Variants in THBS4 observed in about 807,000 individuals in gnomAD.
The protein encoded by THBS4 is thrombospondin-4.
THBS4 carries 90 observed loss-of-function variants against 115.7 expected under a neutral mutation model. The observed-to-expected ratio is 0.78, with a 90% confidence interval of 0.66 to 0.93. THBS4 has a LOEUF of 0.93. Ranked by LOEUF, THBS4 falls within the 40% of genes least tolerant of loss-of-function variation. THBS4 has a pLI of 0.00. For missense variants in THBS4, 1,087 were observed against 1,232.7 expected (o/e 0.88, Z 1.77); for synonymous variants, 460 against 479.3 (o/e 0.96, Z 0.53).
chr5:80,043,522 C>G (rs1052233831), intron 2 of THBS4, among the ~76,000 whole-genome samples: 1 of 152,154 alleles, frequency 6.6e-6, no homozygotes, highest in African/African-American at 2.4e-5. Context: ...CAGAAGAAAT[C>G]CAAGTGGATC....
intron 2 of THBS4, among the ~76,000 whole-genome samples, chr5:80,050,452 T>A (rs531139317): frequency 6.6e-6 from 1 of 152,154 alleles, no homozygotes; most frequent in African/African-American, 2.4e-5. Context: ...GCAGAAATGA[T>A]TGGGCCACAT....
At chr5:80,053,248 G>T (rs1185574267) in intron 2 of THBS4, 1 of 151,286 alleles carries the variant, frequency 6.6e-6, no homozygotes, top group Non-Finnish European at 1.5e-5. Flanking sequence ...ATGTCTTTTT[G>T]TGTTTTTAAT....
intron 12 of THBS4, 116 bp from the exon 13 acceptor site, chr5:80,070,905 G>C (rs759397735): frequency 1.3e-6 from 2 of 1,580,006 alleles, no homozygotes; most frequent in Non-Finnish European, 8.6e-7. Context: ...AAGATTCACA[G>C]ATGTTTGAAA....
intron 2 of THBS4, among the ~76,000 whole-genome samples, chr5:80,008,305 G>C (rs1208661199): frequency 6.6e-6 from 1 of 152,170 alleles, no homozygotes; most frequent in Admixed American, 6.5e-5. Context: ...AGAGTTGCCA[G>C]ATAAAATATA....
intron 2 of THBS4, among the ~76,000 whole-genome samples, chr5:80,043,179 G>A (rs1832959014): frequency 6.6e-6 from 1 of 152,144 alleles, no homozygotes; most frequent in Admixed American, 6.5e-5. Flanking sequence ...AAGAGTTGAA[G>A]AATGACACAG....
At chr5:80,074,931 C>T (rs557305551) in intron 15 of THBS4, among the ~76,000 whole-genome samples, 1 of 152,220 alleles carries the variant, frequency 6.6e-6, no homozygotes, top group Admixed American at 6.5e-5. Flanking sequence ...ATATAGTCAT[C>T]CCTCAGTGTC....
chr5:80,067,612 T>C (rs1833877070), intron 9 of THBS4: 6 of 165,950 alleles, frequency 3.6e-5, no homozygotes, highest in Non-Finnish European at 1.3e-5. Context: ...GCAGATCATC[T>C]CCCTGTCCCC....
chr5:80,055,075 A>T (rs1833377626), intron 2 of THBS4, among the ~76,000 whole-genome samples: 1 of 151,946 alleles, frequency 6.6e-6, no homozygotes, highest in Non-Finnish European at 1.5e-5. Context: ...TAATCCCAGC[A>T]CTTTGGGAGG....
chr5:80,047,794 C>T (rs1485680617), intron 2 of THBS4, among the ~76,000 whole-genome samples: 2 of 151,974 alleles, frequency 1.3e-5, no homozygotes, highest in African/African-American at 2.4e-5. Flanking sequence ...CCACCACACC[C>T]GCCTAATTTT....
At chr5:80,073,390 G>GT (rs879240985) in intron 15 of THBS4, 63 bp downstream of exon 15, 99,669 of 1,087,838 alleles carry the variant, frequency 0.092, 1 homozygote, top group Non-Finnish European at 0.1. Flanking sequence ...TTTTTGGTTT[G>GT]TTTTTTTTTT....
intron 2 of THBS4, among the ~76,000 whole-genome samples, chr5:80,012,678 C>T (rs1832151488): frequency 1.3e-5 from 2 of 152,146 alleles, no homozygotes; most frequent in Non-Finnish European, 2.9e-5. Flanking sequence ...GCCTTGGCTT[C>T]CTGGCCATCA....
chr5:80,047,398 TTGTTTTTTGTTTTC>T (rs1162324467), intron 2 of THBS4, among the ~76,000 whole-genome samples: 14 of 152,200 alleles, frequency 9.2e-5, no homozygotes, highest in African/African-American at 1.7e-4. Context: ...GTTTTGTTTT[TTGTTTTTTGTTTTC>T]TGTTTTTTGT....
chr5:80,066,221 C>T (rs775919542), intron 9 of THBS4: 5 of 151,852 alleles, frequency 3.3e-5, no homozygotes, highest in Non-Finnish European at 5.9e-5. Context: ...TCCTGTCAAA[C>T]TGTGTCCAAG....
rs539616906 is a variant in THBS4, at chr5:80,073,297, T to A, written c.1862T>A (p.Val621Asp). The change falls in exon 15 of 22, where the codon GTT becomes GAT. Residue 621 changes from valine (V) to aspartate (D), a missense_variant. By Grantham distance (152) the Val-to-Asp change is radical. Coordinates refer to ENST00000350881, the MANE Select transcript of THBS4 (RefSeq NM_003248.6). ...PNQSDVDNDL[V>D]GDSCDTNQDS... ...CAGTCTGATGTGGATAATGATCTGG[T>A]TGGGGACTCCTGTGACACCAATCAG... The A allele has an allele frequency of 1.2e-6, 2 of 1,613,884 alleles. No individual in the cohort carries two copies. Among genetic ancestry groups the A allele is most frequent in the Admixed American group, 1.7e-5 (1 of 59,996 alleles).
chr5:80,063,327 T>C (rs1833703765), intron 8 of THBS4, among the ~76,000 whole-genome samples: 1 of 152,222 alleles, frequency 6.6e-6, no homozygotes, highest in Admixed American at 6.5e-5. Flanking sequence ...GCTGCATAAC[T>C]GTCTTGAGAA....
At chr5:80,067,576 A>T (rs761224797) in intron 9 of THBS4, 1 of 155,126 alleles carries the variant, frequency 6.4e-6, no homozygotes, top group South Asian at 2.0e-4. Context: ...AGGAACAGCA[A>T]TAAGAAAAAT....
In THBS4 at chr5:80,080,024, C is replaced by T. The variant is rs769046686; in HGVS notation, c.2631C>T (p.Asp877=). ...ACTCCAGGAATGTGGGCTGGAAGGA[C>T]AAGGTGTCCTACCGCTGGTTCCTAC... The part of the protein sequence containing the change: ...WKDSRNVGWK[D]KVSYRWFLQH... The change falls in exon 20 of 22, where the codon GAC becomes GAT. Residue 877 remains aspartate, a synonymous_variant. Coordinates refer to ENST00000350881, the MANE Select transcript of THBS4 (RefSeq NM_003248.6). 4.3e-6 allele frequency: 7 copies of T among 1,614,026 alleles called. No homozygotes were observed. Among genetic ancestry groups the T allele is most frequent in the Non-Finnish European group, 5.9e-6 (7 of 1,180,020 alleles).
chr5:80,053,758 G>A (rs944334810), intron 2 of THBS4, among the ~76,000 whole-genome samples: 4 of 152,104 alleles, frequency 2.6e-5, no homozygotes, highest in Non-Finnish European at 1.5e-5. Flanking sequence ...TAGAGACAGG[G>A]TTTCACCTTA....
intron 15 of THBS4, among the ~76,000 whole-genome samples, chr5:80,073,578 G>C (rs1172412571): frequency 6.6e-6 from 1 of 152,096 alleles, no homozygotes; most frequent in East Asian, 1.9e-4. Context: ...TAGAGACGGG[G>C]TTTCACCATG....
Sources: gnomAD v4.1 joint callset for allele counts (sites outside exome capture counted in the v4.1 genomes callset) on GRCh38, gnomAD v4.1.1 for gene constraint, MANE v1.5 for transcripts, NCBI Gene and HGNC (gene_info 2026-07-23, HGNC 2026-07-21) for gene names.